DAZL: variants seen among roughly 807,000 people sequenced by gnomAD.
The protein encoded by DAZL is deleted in azoospermia like, also known as deleted in azoospermia-like.
Under a neutral mutation model 45.0 loss-of-function variants are expected in DAZL, and 4 were observed. That is an observed-to-expected ratio of 0.09 (90% CI 0.04 to 0.20). The LOEUF (loss-of-function observed/expected upper bound fraction) is 0.20. Among genes scored for constraint, DAZL ranks in the 10% least tolerant of loss-of-function variants. The pLI, the probability that DAZL is intolerant of heterozygous loss-of-function variation, is 1.00. For missense variants in DAZL, 326 were observed against 351.3 expected (o/e 0.93, Z 0.58); for synonymous variants, 122 against 112.4 (o/e 1.09, Z -0.54).
intron 1 of DAZL, chr3:16,604,447 G>A (rs1230020209): frequency 2.0e-6 from 3 of 1,531,068 alleles, no homozygotes; most frequent in East Asian, 4.9e-5. Context: ...AACCTCGTGC[G>A]GCAAAGATGG....
Position 16,587,353 on chromosome 3 carries a change from T to G in DAZL, c.*1307A>C, listed in dbSNP as rs540880134. The stretch of plus-strand genomic sequence containing the variant: ...AAACTCATGTCCATGGCAGATCAAA[T>G]GGTACTGATACAACTTTTTCCCTTA... On this transcript the variant is annotated 3_prime_UTR_variant, in exon 11 of 11. Transcript: ENST00000399444. The G allele has an allele frequency of 6.6e-6, 1 of 152,246 alleles. No individual in the cohort carries two copies. The highest frequency in any genetic ancestry group is 2.4e-5 in the African/African-American group (1 of 41,448). 9.4% of individuals were successfully genotyped at this position (152,246 alleles called of 1,614,324 possible).
Position 16,596,871 on chromosome 3 carries a change from G to A in DAZL, c.377C>T (p.Pro126Leu). ...AGGATGATTAAAAACCAAAGGACGT[G>A]GCTGCACATGATAAGCACCTTTTTG... Reference protein sequence around the residue: ...KQNLCAYHVQPRPLVFNHPPP... With the variant: ...KQNLCAYHVQLRPLVFNHPPP... Residue 126 changes from proline to leucine, a missense_variant, in exon 6 of 11, where the codon CCA becomes CTA. Pro to Leu is a moderately conservative substitution (Grantham distance 98). Transcript: ENST00000399444. 6.2e-7 allele frequency: 1 copy of A among 1,613,770 alleles called. No homozygotes were observed. Among genetic ancestry groups the A allele is most frequent in the Non-Finnish European group, 8.5e-7 (1 of 1,179,744 alleles).
intron 10 of DAZL, 22 bp from the exon 11 acceptor site, chr3:16,588,735 C>A: frequency 6.2e-7 from 1 of 1,604,084 alleles, no homozygotes; most frequent in Non-Finnish European, 8.5e-7. Flanking sequence ...AGAAAGAGTC[C>A]TTTTACTTTA....
rs1045151928 is a variant in DAZL, at chr3:16,596,786, G to T, written c.462C>A (p.Pro154=). Reference sequence around the variant, plus strand: ...GAGTTATAGGATTCATCGTGGTTGTGGGCTGCATATAAGTTTCAGTGTTTG... The same window carrying T: ...GAGTTATAGGATTCATCGTGGTTGTTGGCTGCATATAAGTTTCAGTGTTTG... The part of the protein sequence containing the change: ...TNPNTETYMQ[P]TTTMNPITQY... Residue 154 remains proline, a synonymous_variant, in exon 6 of 11, where the codon CCC becomes CCA. Transcript: ENST00000399444. The T allele has an allele frequency of 1.2e-6, 2 of 1,613,754 alleles. No individual in the cohort carries two copies. Among genetic ancestry groups the T allele is most frequent in the East Asian group, 4.5e-5 (2 of 44,862 alleles).
At chr3:16,598,217 C>T (rs1289227892) in intron 2 of DAZL, 39 bp from the exon 3 acceptor site, 3 of 1,534,716 alleles carry the variant, frequency 2.0e-6, no homozygotes, top group Admixed American at 3.4e-5. Flanking sequence ...AAAAATTCAG[C>T]ATTCAAAAAT....
At position 16,605,404 on chromosome 3, in the gene DAZL, C is replaced by T. The variant is rs941891727; in HGVS notation, c.-199G>A. The T allele has an allele frequency of 7.4e-6, 5 of 677,800 alleles. No homozygotes were observed. The allele number at this position is 677,800 out of a possible 1,614,324, so 42.0% of individuals were successfully genotyped here. A position where few individuals can be genotyped will look rare whatever the true frequency, so the allele number is the denominator to read the frequency against. On this transcript the variant is annotated 5_prime_UTR_variant, in exon 1 of 11. Transcript: ENST00000399444. ...GAGCCCCGAAAGGCGGACCGTCAGG[C>T]TGAGGAGCGCAGGCGGACTGAGGCG...
At chr3:16,602,449 A>AC (rs1481071834) in intron 1 of DAZL, among the ~76,000 whole-genome samples, 2 of 152,218 alleles carry the variant, frequency 1.3e-5, no homozygotes, top group African/African-American at 4.8e-5. Flanking sequence ...TACACATCAG[A>AC]CACCAGAAAT....
rs774169043 is a variant in DAZL at position 16,598,097 on chromosome 3, C to A, written c.232G>T (p.Val78Leu). 1.9e-6 allele frequency: 3 copies of A among 1,591,524 alleles called. No individual in the cohort carries two copies. The highest frequency in any genetic ancestry group is 2.7e-5 in the African/African-American group (2 of 74,392). Reference sequence around the variant, plus strand: ...GATAAAATTACTCACCCTTTGGACACACCAGTTCGATCAGTGATTATCTTC... The same window carrying A: ...GATAAAATTACTCACCCTTTGGACAAACCAGTTCGATCAGTGATTATCTTC... ...EVKIITDRTG[V>L]SKGYGFVSFF... is the part of the protein sequence containing the mutation. Residue 78 changes from valine (V) to leucine (L), a missense_variant, in exon 3 of 11, where the codon GTG (valine) becomes TTG (leucine). This residue lies in a region of DAZL where 81 missense variants were observed against 89.6 expected (regional missense o/e 0.90). Transcript: ENST00000399444.
intron 5 of DAZL, 28 bp downstream of exon 5, chr3:16,596,960 A>G (rs2303591): frequency 0.13 from 215,780 of 1,612,688 alleles, 18,057 homozygotes; most frequent in East Asian, 0.43. Flanking sequence ...TTTTATGTTT[A>G]AAAAGAACAA....
chr3:16,605,100 G>C, intron 1 of DAZL, 103 bp downstream of exon 1: 1 of 1,478,124 alleles, frequency 6.8e-7, no homozygotes, highest in Non-Finnish European at 9.5e-7. Flanking sequence ...CCCCCAAACA[G>C]GAAAGCCGAG....
chr3:16,599,713 G>A (rs3773828), intron 1 of DAZL, among the ~76,000 whole-genome samples: 21,312 of 151,918 alleles, frequency 0.14, 1,938 homozygotes, highest in East Asian at 0.46. Flanking sequence ...TATTCTTTCC[G>A]CAGTAGACTC....
chr3:16,603,614 T>C (rs114551207), intron 1 of DAZL, among the ~76,000 whole-genome samples: 44 of 152,324 alleles, frequency 2.9e-4, no homozygotes, highest in African/African-American at 8.9e-4. Context: ...CCTAAAGAGA[T>C]TGATTACAGG....
rs2125047179 is a variant in DAZL, at chr3:16,598,722, T to C, written c.4-124A>G. 6 of 1,138,494 alleles carry C rather than the reference T, an allele frequency of 5.3e-6. No homozygotes were observed. The South Asian group carries it at 9.6e-5, about 18-fold the overall frequency. 70.5% of individuals were successfully genotyped at this position (1,138,494 alleles called of 1,614,324 possible). A position where few individuals can be genotyped will look rare whatever the true frequency, so the allele number is the denominator to read the frequency against. On this transcript the variant is annotated intron_variant, in intron 1 of 10. Transcript: ENST00000399444. ...ATAAATTACTTTCATTCTAAGTTAG[T>C]TCAGGCTCAGGATTTAAACTTATCA...
At chr3:16,591,373 G>C (rs1694515782) in intron 10 of DAZL, among the ~76,000 whole-genome samples, 4 of 150,996 alleles carry the variant, frequency 2.6e-5, no homozygotes, top group Admixed American at 6.6e-5. Flanking sequence ...CCTTCACACT[G>C]TTCAGGTATA....
rs147306731 is a variant in DAZL, at chr3:16,592,031, G to C, written c.834+19C>G. 3 of 1,605,682 alleles carry C rather than the reference G, an allele frequency of 1.9e-6. No individual in the cohort carries two copies. Among genetic ancestry groups the C allele is most frequent in the Non-Finnish European group, 2.6e-6 (3 of 1,172,828 alleles). ...TAACAAGTGTGCTTTTTAATTGTGC[G>C]TAACTGTTATATTCATACCTTGAAG... is the stretch of plus-strand genomic sequence containing the variant. On this transcript the variant is annotated intron_variant, in intron 10 of 10. Transcript: ENST00000399444.
intron 1 of DAZL, chr3:16,604,749 C>T (rs949727260): frequency 1.2e-5 from 16 of 1,358,734 alleles, no homozygotes; most frequent in Middle Eastern, 2.7e-4. Context: ...ACGGGGAGAG[C>T]GCGCCAGAAA....
At chr3:16,603,297 A>C (rs1334534265) in intron 1 of DAZL, among the ~76,000 whole-genome samples, 1 of 152,212 alleles carries the variant, frequency 6.6e-6, no homozygotes, top group African/African-American at 2.4e-5. Flanking sequence ...AATTCATCTC[A>C]AGGAATTAAT....
intron 10 of DAZL, 85 bp from the exon 11 acceptor site, chr3:16,588,798 C>T (rs1261955060): frequency 1.8e-6 from 2 of 1,110,664 alleles, no homozygotes; most frequent in African/African-American, 3.1e-5. Flanking sequence ...AAACTTAAAC[C>T]ATTTGTTTTG....
At chr3:16,599,344 A>T (rs1255662043) in intron 1 of DAZL, among the ~76,000 whole-genome samples, 1 of 152,232 alleles carries the variant, frequency 6.6e-6, no homozygotes, top group Admixed American at 6.5e-5. Flanking sequence ...TCAAAAAGAA[A>T]ATAAGCCTCA....
Sources: allele counts gnomAD v4.1 joint callset (sites outside exome capture counted in the v4.1 genomes callset), GRCh38; gene constraint gnomAD v4.1.1; regional missense constraint gnomAD v4.1.1; transcripts MANE v1.5; gene names NCBI Gene and HGNC (gene_info 2026-07-23, HGNC 2026-07-21).